Variants in ZHX2 observed in about 807,000 individuals in gnomAD.
ZHX2 encodes the protein zinc fingers and homeoboxes 2, also known as zinc fingers and homeoboxes protein 2.
ZHX2 carries 6 observed loss-of-function variants against 21.9 expected under a neutral mutation model. The ratio of observed to expected loss-of-function variants is 0.27; its 90% CI spans 0.15 to 0.54. The LOEUF (loss-of-function observed/expected upper bound fraction) is 0.54, where lower values mean the gene tolerates loss of function less well. Among genes scored for constraint, ZHX2 ranks in the 20% least tolerant of loss-of-function variants. The pLI, the probability that ZHX2 is intolerant of heterozygous loss-of-function variation, is 0.95. For synonymous variants in ZHX2, 434 were observed against 437.1 expected (o/e 0.99, Z 0.09); for missense variants, 908 against 1,090.7 (o/e 0.83, Z 2.36).
chr8:122,820,353 C>T (rs1415157456), intron 1 of ZHX2, among the ~76,000 whole-genome samples: 2 of 152,194 alleles, frequency 1.3e-5, no homozygotes, highest in Admixed American at 6.5e-5. Flanking sequence ...CCACAGGGGC[C>T]TGTGGAGAAG....
chr8:122,861,787 A>T (rs1180082568), intron 1 of ZHX2, among the ~76,000 whole-genome samples: 2 of 152,192 alleles, frequency 1.3e-5, no homozygotes, highest in African/African-American at 4.8e-5. Flanking sequence ...CCCCTTAAAA[A>T]GTAAGGAGCT....
chr8:122,820,836 G>A (rs1818132293), intron 1 of ZHX2, among the ~76,000 whole-genome samples: 1 of 152,202 alleles, frequency 6.6e-6, no homozygotes, highest in South Asian at 2.1e-4. Flanking sequence ...GGTTCCGAAA[G>A]GTCAGCCACC....
chr8:122,831,946 A>G (rs538413710), intron 1 of ZHX2, among the ~76,000 whole-genome samples: 1 of 152,298 alleles, frequency 6.6e-6, no homozygotes, highest in East Asian at 1.9e-4. Flanking sequence ...GATTGGCTTC[A>G]ATAGTGTGCA....
Position 122,818,659 on chromosome 8 carries a change from A to G in ZHX2, c.-283+36713A>G, listed in dbSNP as rs561203835. ...ACACAGGCACAAAACCTTGCTTTAA[A>G]AATGTGTCTTACGATGAAACTTGGC... On this transcript the variant is annotated intron_variant, in intron 1 of 3. Transcript: ENST00000314393. Among the ~76,000 whole-genome samples the G allele has an allele frequency of 2.0e-5, 3 of 152,334 alleles. No homozygotes were observed. The South Asian group carries it at 6.2e-4, about 32-fold the overall frequency.
At chr8:122,867,520 A>C (rs1272859076) in intron 2 of ZHX2, among the ~76,000 whole-genome samples, 1 of 152,216 alleles carries the variant, frequency 6.6e-6, no homozygotes, top group African/African-American at 2.4e-5. Context: ...TTGAATAGAA[A>C]ATCATTCAAT....
chr8:122,908,113 G>A (rs906151280), intron 2 of ZHX2, among the ~76,000 whole-genome samples: 6 of 152,118 alleles, frequency 3.9e-5, no homozygotes, highest in Non-Finnish European at 7.4e-5. Context: ...TCCTCGCCCC[G>A]CCCAACCCAA....
At position 122,844,907 on chromosome 8, in the gene ZHX2, C is replaced by T. The variant is rs577487401; in HGVS notation, c.-282-18570C>T. Among the ~76,000 whole-genome samples the T allele has an allele frequency of 1.3e-4, 20 of 152,292 alleles. 1 individual carries two copies. The highest frequency in any genetic ancestry group is 3.9e-4 in the East Asian group (2 of 5,186). ...TAAGACATGAAGTAGTAAAGGAAAA[C>T]GCTGAAGAGAATCTACTGCCCAAAC... On this transcript the variant is annotated intron_variant, in intron 1 of 3. Coordinates refer to ENST00000314393, the MANE Select transcript of ZHX2 (RefSeq NM_014943.5).
intron 1 of ZHX2, among the ~76,000 whole-genome samples, chr8:122,814,788 G>C (rs954155089): frequency 1.3e-5 from 2 of 152,224 alleles, no homozygotes; most frequent in African/African-American, 4.8e-5. Flanking sequence ...GGTAGAGTTA[G>C]CATTAGTTGG....
intron 2 of ZHX2, among the ~76,000 whole-genome samples, chr8:122,904,120 A>C (rs1275043709): frequency 6.6e-6 from 1 of 152,066 alleles, no homozygotes; most frequent in African/African-American, 2.4e-5. Context: ...CTAGACTTAG[A>C]GCTGAAGAGG....
rs373507471 is a variant in ZHX2, at chr8:122,953,889, C to G, written c.2379C>G (p.Tyr793Ter). ...ACGAGGAGTCGAGCGTTGTGGATTACGTGGAGGTGACGGTCGGGGAGGAGG... is the reference window on the plus strand; with the variant it reads ...ACGAGGAGTCGAGCGTTGTGGATTAGGTGGAGGTGACGGTCGGGGAGGAGG... ...DENEESSVVD[Y>*]VEVTVGEEDA... The change falls in exon 3 of 4, where the codon TAC (tyrosine) becomes TAG (stop). Residue 793 changes from tyrosine to a stop codon, truncating the protein, a stop_gained. Transcript: ENST00000314393. LOFTEE classifies it low-confidence loss of function (END_TRUNC). The surrounding 1 kb of genome is among the most constrained non-coding windows in gnomAD (Gnocchi z 4.6). The G allele has an allele frequency of 6.2e-7, 1 of 1,614,108 alleles. No homozygotes were observed. Among genetic ancestry groups the G allele is most frequent in the Admixed American group, 1.7e-5 (1 of 60,016 alleles).
At chr8:122,910,132 G>T (rs1206693740) in intron 2 of ZHX2, among the ~76,000 whole-genome samples, 1 of 110,652 alleles carries the variant, frequency 9.0e-6, no homozygotes, top group African/African-American at 3.1e-5. Context: ...AATCAAAGTA[G>T]GGAAAAAAAA....
At chr8:122,814,298 G>A (rs1443375448) in intron 1 of ZHX2, among the ~76,000 whole-genome samples, 1 of 152,220 alleles carries the variant, frequency 6.6e-6, no homozygotes, top group Non-Finnish European at 1.5e-5. Context: ...CTGGCTGGCT[G>A]CATCTGTTTC....
chr8:122,898,235 C>T (rs562248899), intron 2 of ZHX2, among the ~76,000 whole-genome samples: 104 of 152,160 alleles, frequency 6.8e-4, no homozygotes, highest in Middle Eastern at 3.4e-3. Flanking sequence ...CTTCTTTGTT[C>T]CAAAGCTCTT....
chr8:122,898,728 A>G (rs1165941510), intron 2 of ZHX2, among the ~76,000 whole-genome samples: 1 of 152,246 alleles, frequency 6.6e-6, no homozygotes, highest in Non-Finnish European at 1.5e-5. Flanking sequence ...TTAACTCATT[A>G]AAGCTTCACA....
intron 1 of ZHX2, among the ~76,000 whole-genome samples, chr8:122,795,384 G>GTCTGGACA (rs1288112401): frequency 6.6e-6 from 1 of 152,236 alleles, no homozygotes; most frequent in Admixed American, 6.5e-5. Flanking sequence ...CTGCTCCCTT[G>GTCTGGACA]TCTGGACATC....
intron 2 of ZHX2, among the ~76,000 whole-genome samples, chr8:122,882,345 C>G (rs924267016): frequency 6.6e-6 from 1 of 151,964 alleles, no homozygotes; most frequent in Non-Finnish European, 1.5e-5. Flanking sequence ...AGAGACAGCT[C>G]TCTTATTTCC....
Position 122,953,043 on chromosome 8 carries a change from G to A in ZHX2, c.1533G>A (p.Leu511=). The change falls in exon 3 of 4, where the codon TTG becomes TTA. Residue 511 remains leucine (L), a synonymous_variant. Coordinates refer to ENST00000314393, the MANE Select transcript of ZHX2 (RefSeq NM_014943.5). The surrounding 1 kb of genome is among the most constrained non-coding windows in gnomAD (Gnocchi z 4.6). ...ITSESLAKDQ[L]AIAASRHGRT... is the part of the protein sequence containing the mutation. ...GCGAATCCCTTGCCAAAGACCAGTT[G>A]GCCATCGCGGCCTCCCGACACGGTC... 2 of 1,614,044 alleles carry A rather than the reference G, an allele frequency of 1.2e-6. No homozygotes were observed. The highest frequency in any genetic ancestry group is 1.7e-6 in the Non-Finnish European group (2 of 1,180,030).
At chr8:122,956,369 G>A (rs1318176144) in intron 3 of ZHX2, among the ~76,000 whole-genome samples, 1 of 152,162 alleles carries the variant, frequency 6.6e-6, no homozygotes, top group Non-Finnish European at 1.5e-5. Context: ...AAGGAGAGAG[G>A]AAATCGCATT....
At chr8:122,927,702 C>T (rs1228924262) in intron 2 of ZHX2, among the ~76,000 whole-genome samples, 2 of 152,142 alleles carry the variant, frequency 1.3e-5, no homozygotes, top group South Asian at 2.1e-4. Flanking sequence ...AAGAATAGAA[C>T]AGGAAAGACC....
Sources: gnomAD v4.1 joint callset for allele counts (sites outside exome capture counted in the v4.1 genomes callset) on GRCh38, gnomAD v4.1.1 for gene constraint, Gnocchi (gnomAD v3.1) non-coding constraint, MANE v1.5 for transcripts, NCBI Gene and HGNC (gene_info 2026-07-23, HGNC 2026-07-21) for gene names.